The following MTMR14 variants were observed in gnomAD, a reference collection of about 807,000 sequenced individuals.
MTMR14 encodes the protein myotubularin related protein 14.
A neutral mutation model predicts 86.3 loss-of-function variants in MTMR14; 48 were observed. That is an observed-to-expected ratio of 0.56 (90% CI 0.44 to 0.71). The LOEUF is 0.71. Among genes scored for constraint, MTMR14 ranks in the 30% least tolerant of loss-of-function variants. MTMR14 has a pLI of 0.00. For synonymous variants in MTMR14, 366 were observed against 326.1 expected, an observed-to-expected ratio of 1.12 and a Z score of -1.32; for missense variants, 780 against 834.6, an observed-to-expected ratio of 0.93 and a Z score of 0.81.
At chr3:9,691,763 C>A (rs1389035279) in intron 17 of MTMR14, among the ~76,000 whole-genome samples, 1 of 152,140 alleles carries the variant, frequency 6.6e-6, no homozygotes, top group Admixed American at 6.5e-5. Context: ...CCACCAAGGC[C>A]CCCTCTTGGG....
In MTMR14 at chr3:9,690,088, C is replaced by A; in HGVS notation, c.1558C>A (p.His520Asn). Residue 520 changes from histidine to asparagine, a missense_variant, in exon 17 of 19, where the codon CAT becomes AAT. By Grantham distance (68) the His-to-Asn change is moderately conservative (BLOSUM62 1). Transcript: ENST00000296003. ...ARSSSSSSSN[H>N]SDNFFRMGSS... is the part of the protein sequence containing the mutation. Reference sequence around the variant, plus strand: ...GTCTTCCAGCTCCTCTTCCTCAAACCATTCTGATAACTTTTTCAGGATGGG... The same window carrying A: ...GTCTTCCAGCTCCTCTTCCTCAAACAATTCTGATAACTTTTTCAGGATGGG... 1.2e-6 allele frequency: 2 copies of A among 1,613,712 alleles called. No homozygotes were observed. The highest frequency in any genetic ancestry group is 1.7e-6 in the Non-Finnish European group (2 of 1,180,026).
At chr3:9,658,857 C>T (rs576826319) in intron 2 of MTMR14, among the ~76,000 whole-genome samples, 2 of 152,296 alleles carry the variant, frequency 1.3e-5, no homozygotes, top group African/African-American at 2.4e-5. Flanking sequence ...GGAAAGCTTC[C>T]TATTGGAAAT....
rs1038404143 is a variant in MTMR14 at position 9,654,825 on chromosome 3, G to A, written c.308+1056G>A. On this transcript the variant is annotated intron_variant, in intron 2 of 18. Coordinates refer to ENST00000296003, the MANE Select transcript of MTMR14 (RefSeq NM_001077525.3). ...TGAGCCAGAATCACAGCAGAACAGG[G>A]TGTCCAGGTGATTCGAATGCACTAC... 4.6e-5 allele frequency among the ~76,000 whole-genome samples: 7 copies of A among 152,340 alleles called. No homozygotes were observed. In the East Asian group the frequency reaches 1.4e-3, roughly 29 times the overall value.
At chr3:9,653,574 C>T in intron 1 of MTMR14, 47 bp from the exon 2 acceptor site, 2 of 1,613,434 alleles carry the variant, frequency 1.2e-6, no homozygotes, top group Non-Finnish European at 1.7e-6. Flanking sequence ...TTCTCACCCT[C>T]AGAACCCCAG....
intron 15 of MTMR14, 60 bp from the exon 16 acceptor site, chr3:9,688,884 G>A (rs1313313925): frequency 1.9e-5 from 30 of 1,611,338 alleles, no homozygotes; most frequent in Non-Finnish European, 2.3e-5. Context: ...GTATAGAAAA[G>A]GTGGGGGACC....
chr3:9,653,330 G>A (rs570239091), intron 1 of MTMR14, among the ~76,000 whole-genome samples: 45 of 152,328 alleles, frequency 3.0e-4, no homozygotes, highest in Non-Finnish European at 5.7e-4. Flanking sequence ...TGTTTTATGG[G>A]TTGTAGACCT....
intron 15 of MTMR14, 21 bp from the exon 16 acceptor site, chr3:9,688,923 G>A (rs762046919): frequency 1.2e-6 from 2 of 1,613,916 alleles, no homozygotes; most frequent in South Asian, 2.2e-5. Flanking sequence ...CACGCTGACT[G>A]ATGGCACTGG....
intron 3 of MTMR14, among the ~76,000 whole-genome samples, chr3:9,664,092 A>G (rs545768762): frequency 2.2e-4 from 33 of 152,060 alleles, no homozygotes; most frequent in African/African-American, 7.7e-4. Context: ...CCTGGCCTGC[A>G]ACTTCATTTG....
chr3:9,656,819 C>A (rs1053343752), intron 2 of MTMR14, among the ~76,000 whole-genome samples: 8 of 152,164 alleles, frequency 5.3e-5, no homozygotes, highest in African/African-American at 1.9e-4. Flanking sequence ...TCTCTTCGTT[C>A]CCCTTCTTCC....
rs1364117277 is a variant in MTMR14 at position 9,701,922 on chromosome 3, G to A, written c.1902G>A (p.Glu634=). Residue 634 remains glutamate (E), a synonymous_variant, in exon 19 of 19, where the codon GAG becomes GAA. Transcript: ENST00000296003. This position sits in a 1 kb window ranked among gnomAD's most constrained non-coding sequence, Gnocchi z 4.2. ...CCGGTGCCATCGGGGGCCTGCTGGA[G>A]CAATTTGCCCGTGGTGTTGGACTCC... is the stretch of plus-strand genomic sequence containing the variant. ...SPSGAIGGLL[E]QFARGVGLRS... The A allele has an allele frequency of 6.2e-7, 1 of 1,614,222 alleles. No homozygotes were observed. Among genetic ancestry groups the A allele is most frequent in the South Asian group, 1.1e-5 (1 of 91,086 alleles).
Position 9,649,581 on chromosome 3 carries a change from GC to G in MTMR14, c.-1del. Reference sequence around the variant, plus strand: ...GCACACTGAGGGGACGCGGGGCTGGGCCATGGCCGGCGCTCGGGCCGCCGCC... The same window carrying G: ...GCACACTGAGGGGACGCGGGGCTGGGCATGGCCGGCGCTCGGGCCGCCGCC... On this transcript the variant is annotated 5_prime_UTR_variant, in exon 1 of 19. Transcript: ENST00000296003. 6.5e-7 allele frequency: 1 copy of G among 1,543,618 alleles called. No individual in the cohort carries two copies.
At chr3:9,650,907 A>G (rs2047245141) in intron 1 of MTMR14, among the ~76,000 whole-genome samples, 1 of 151,454 alleles carries the variant, frequency 6.6e-6, no homozygotes, top group African/African-American at 2.4e-5. Flanking sequence ...CCCTGCCTCA[A>G]CTTCCCAAGT....
intron 1 of MTMR14, chr3:9,650,653 AC>A (rs1366326720): frequency 4.3e-6 from 1 of 233,408 alleles, no homozygotes; most frequent in Non-Finnish European, 9.1e-6. Flanking sequence ...TAGTCTGGGG[AC>A]CACCTGTTTA....
intron 3 of MTMR14, among the ~76,000 whole-genome samples, chr3:9,665,176 G>A (rs547999945): frequency 3.9e-5 from 6 of 151,956 alleles, no homozygotes; most frequent in South Asian, 2.1e-4. Context: ...CAGCTACTCC[G>A]GAGGCTGAGG....
intron 1 of MTMR14, chr3:9,650,430 C>T: frequency 2.2e-6 from 1 of 454,680 alleles, no homozygotes; most frequent in South Asian, 1.6e-5. Flanking sequence ...CCTGCCATCT[C>T]ATTCCCCCAC....
rs1346116544 is a variant in MTMR14, at chr3:9,697,850, C to T, written c.1753C>T (p.Leu585Phe). The T allele has an allele frequency of 1.2e-6, 2 of 1,614,194 alleles. No homozygotes were observed. The highest frequency in any genetic ancestry group is 2.2e-5 in the South Asian group (2 of 91,086). The stretch of plus-strand genomic sequence containing the variant: ...TCTCCCTTTCAGCTTCCCGGATGAG[C>T]TCCCTAACAGTTGTCTGTAAGTGTC... The part of the protein sequence containing the change: ...SSLPFSFPDE[L>F]PNSCLLAALS... Residue 585 changes from leucine to phenylalanine, a missense_variant, in exon 18 of 19, where the codon CTC becomes TTC. Coordinates refer to ENST00000296003, the MANE Select transcript of MTMR14 (RefSeq NM_001077525.3).
chr3:9,655,524 G>A (rs1428540119), intron 2 of MTMR14, among the ~76,000 whole-genome samples: 9 of 125,906 alleles, frequency 7.1e-5, no homozygotes, highest in South Asian at 2.9e-4. Flanking sequence ...GCAGTGGCAC[G>A]ATCTTGGCTC....
chr3:9,658,697 A>G (rs915902885), intron 2 of MTMR14, among the ~76,000 whole-genome samples: 8 of 152,216 alleles, frequency 5.3e-5, no homozygotes, highest in African/African-American at 1.9e-4. Flanking sequence ...AAAATTGGGT[A>G]AGTGAGGACT....
In MTMR14 at chr3:9,671,035, C is replaced by G; in HGVS notation, c.555-13C>G. On this transcript the variant is annotated splice_polypyrimidine_tract_variant and intron_variant, in intron 5 of 18. Transcript: ENST00000296003. ...CATGCCATGTAACTTCTCCCTCTGG[C>G]TCTTTATTTCAGAAGTGGTGACACG... The G allele has an allele frequency of 6.2e-7, 1 of 1,614,102 alleles. No homozygotes were observed. Among genetic ancestry groups the G allele is most frequent in the South Asian group, 1.1e-5 (1 of 91,074 alleles).
Sources: allele counts gnomAD v4.1 joint callset (sites outside exome capture counted in the v4.1 genomes callset), GRCh38; gene constraint gnomAD v4.1.1; non-coding constraint Gnocchi (gnomAD v3.1); transcripts MANE v1.5; gene names NCBI Gene and HGNC (gene_info 2026-07-23, HGNC 2026-07-21).